LDB2: variants seen among roughly 807,000 people sequenced by gnomAD.
LDB2 encodes the protein LIM domain-binding protein 2.
Under a neutral mutation model 44.3 loss-of-function variants are expected in LDB2, and 12 were observed. The ratio of observed to expected loss-of-function variants is 0.27; its 90% CI spans 0.17 to 0.44. LDB2 has a LOEUF of 0.44. Ranked by LOEUF, LDB2 falls within the 20% of genes least tolerant of loss-of-function variation. LDB2 has a pLI of 1.00. For missense variants in LDB2, 344 were observed against 473.5 expected, an observed-to-expected ratio of 0.73 and a Z score of 2.54; for synonymous variants, 164 against 174.8, an observed-to-expected ratio of 0.94 and a Z score of 0.49.
chr4:16,834,487 G>A (rs1229789850), intron 1 of LDB2, among the ~76,000 whole-genome samples: 1 of 152,168 alleles, frequency 6.6e-6, no homozygotes, highest in Admixed American at 6.5e-5. Context: ...ATCAGTGATA[G>A]TCTTCACCCC....
intron 2 of LDB2, among the ~76,000 whole-genome samples, chr4:16,748,927 A>G (rs1255674446): frequency 6.6e-6 from 1 of 152,230 alleles, no homozygotes; most frequent in Non-Finnish European, 1.5e-5. Flanking sequence ...TTGAAACAAA[A>G]GCTCGCTGGA....
chr4:16,511,509 TCTTC>T (rs903637213), intron 6 of LDB2, among the ~76,000 whole-genome samples: 3 of 152,172 alleles, frequency 2.0e-5, no homozygotes, highest in Non-Finnish European at 2.9e-5. Flanking sequence ...TCTGTTCCTT[TCTTC>T]CTTCCTTCTT....
intron 2 of LDB2, among the ~76,000 whole-genome samples, chr4:16,721,588 A>G (rs1035118340): frequency 2.0e-5 from 3 of 152,120 alleles, no homozygotes; most frequent in Non-Finnish European, 4.4e-5. Flanking sequence ...ACTGAGGGGG[A>G]AAATGGCAAA....
chr4:16,609,384 G>T (rs1196296130), intron 2 of LDB2, among the ~76,000 whole-genome samples: 1 of 150,954 alleles, frequency 6.6e-6, no homozygotes, highest in Non-Finnish European at 1.5e-5. Flanking sequence ...CCAGCTGCCT[G>T]CTGTCTAAGC....
At chr4:16,579,238 T>G (rs1713244016) in intron 5 of LDB2, among the ~76,000 whole-genome samples, 3 of 152,248 alleles carry the variant, frequency 2.0e-5, no homozygotes. Flanking sequence ...GTATTTACCT[T>G]GATGTGATTA....
Position 16,502,499 on chromosome 4 carries a change from A to G in LDB2, c.*144T>C, listed in dbSNP as rs1196375789. 2 of 1,183,566 alleles carry G rather than the reference A, an allele frequency of 1.7e-6. No individual in the cohort carries two copies. Among genetic ancestry groups the G allele is most frequent in the Non-Finnish European group, 2.4e-6 (2 of 834,036 alleles). 73.3% of individuals were successfully genotyped at this position (1,183,566 alleles called of 1,614,324 possible). On this transcript the variant is annotated 3_prime_UTR_variant, in exon 8 of 8. Coordinates refer to ENST00000304523, the MANE Select transcript of LDB2 (RefSeq NM_001290.5). ...TCAATTAGAAAAAAAGAAAGAAGAA[A>G]GAAAATCAGATCATTGTGGTTTAGA...
chr4:16,654,104 A>C (rs973824770), intron 2 of LDB2, among the ~76,000 whole-genome samples: 3 of 152,196 alleles, frequency 2.0e-5, no homozygotes, highest in Non-Finnish European at 2.9e-5. Flanking sequence ...CCAAGGTCCA[A>C]ATATCGGTGC....
intron 2 of LDB2, among the ~76,000 whole-genome samples, chr4:16,648,755 A>AT (rs201450035): frequency 2.2e-4 from 33 of 148,790 alleles, no homozygotes; most frequent in Non-Finnish European, 2.7e-4. Flanking sequence ...AAATTTCTCT[A>AT]TTTTTTTTTT....
chr4:16,633,724 A>T (rs763992805), intron 2 of LDB2, among the ~76,000 whole-genome samples: 24 of 152,168 alleles, frequency 1.6e-4, no homozygotes, highest in South Asian at 1.0e-3. Context: ...TCCCCATCAA[A>T]CTACCACTGA....
chr4:16,554,070 G>T, intron 5 of LDB2, among the ~76,000 whole-genome samples: 1 of 145,494 alleles, frequency 6.9e-6, no homozygotes, highest in African/African-American at 2.6e-5. Context: ...TTTTTTTTGA[G>T]ATGGAGTTTC....
At chr4:16,739,711 TATGTATATATAC>T (rs1426295633) in intron 2 of LDB2, among the ~76,000 whole-genome samples, 8 of 59,990 alleles carry the variant, frequency 1.3e-4, no homozygotes, top group African/African-American at 4.2e-4. Context: ...TATGTGTATA[TATGTATATATAC>T]ATATATGTGT....
chr4:16,622,254 T>G (rs1277131394), intron 2 of LDB2, among the ~76,000 whole-genome samples: 1 of 152,178 alleles, frequency 6.6e-6, no homozygotes, highest in Non-Finnish European at 1.5e-5. Flanking sequence ...AACTACAGAT[T>G]AGATGATATA....
chr4:16,696,431 G>C (rs1752140633), intron 2 of LDB2, among the ~76,000 whole-genome samples: 1 of 152,154 alleles, frequency 6.6e-6, no homozygotes, highest in East Asian at 1.9e-4. Context: ...TTTACATTCA[G>C]AACATTTTTT....
intron 2 of LDB2, among the ~76,000 whole-genome samples, chr4:16,680,088 T>C (rs1747424347): frequency 6.6e-6 from 1 of 152,122 alleles, no homozygotes; most frequent in Admixed American, 6.5e-5. Context: ...GGCAGAGCCC[T>C]CGTGAATAGG....
Position 16,881,884 on chromosome 4 carries a change from CCT to C in LDB2, c.132+16468_132+16469del, listed in dbSNP as rs149166161. On this transcript the variant is annotated intron_variant, in intron 1 of 7. Transcript: ENST00000304523. ...CATTTATGCTTCCTAGCTTCACCTCCCTGTTTTGAGATGTTTACGCAGTCTAA... is the reference window on the plus strand; with the variant it reads ...CATTTATGCTTCCTAGCTTCACCTCCGTTTTGAGATGTTTACGCAGTCTAA... Among the ~76,000 whole-genome samples the C allele has an allele frequency of 5.1e-3, 781 of 152,242 alleles. 5 individuals are homozygous for C. Among genetic ancestry groups the C allele is most frequent in the African/African-American group, 0.017 (722 of 41,520 alleles).
intron 2 of LDB2, among the ~76,000 whole-genome samples, chr4:16,701,118 C>T (rs573947651): frequency 4.7e-4 from 72 of 152,310 alleles, no homozygotes; most frequent in African/African-American, 1.7e-3. Flanking sequence ...TTCAAACCTT[C>T]TTCTTAAGAT....
intron 5 of LDB2, among the ~76,000 whole-genome samples, chr4:16,574,413 G>C (rs985925007): frequency 6.6e-6 from 1 of 152,186 alleles, no homozygotes; most frequent in Non-Finnish European, 1.5e-5. Context: ...CTTCTTGGCA[G>C]ACATCATCAA....
At chr4:16,725,705 AC>A (rs1251584347) in intron 2 of LDB2, among the ~76,000 whole-genome samples, 1 of 151,992 alleles carries the variant, frequency 6.6e-6, no homozygotes, top group African/African-American at 2.4e-5. Context: ...TCAGGGACAC[AC>A]CTGAAGCCTT....
At chr4:16,513,117 G>A (rs1318930139) in intron 5 of LDB2, among the ~76,000 whole-genome samples, 1 of 152,046 alleles carries the variant, frequency 6.6e-6, no homozygotes, top group Admixed American at 6.6e-5. Context: ...TTCCTTATTA[G>A]CCCCTCCTCT....
Sources: allele counts gnomAD v4.1 joint callset (sites outside exome capture counted in the v4.1 genomes callset), GRCh38; gene constraint gnomAD v4.1.1; transcripts MANE v1.5; gene names NCBI Gene and HGNC (gene_info 2026-07-23, HGNC 2026-07-21).